The following TRPC7 variants were observed in gnomAD, a reference collection of about 807,000 sequenced individuals.
TRPC7 encodes the protein short transient receptor potential channel 7.
In TRPC7, 42 loss-of-function variants were observed where a neutral mutation model predicts 90.1. The observed-to-expected ratio is 0.47, with a 90% CI of 0.36 to 0.60. The LOEUF is 0.60. Among genes scored for constraint, TRPC7 ranks in the 20% least tolerant of loss-of-function variants. The probability of loss-of-function intolerance (pLI) is 0.00; values close to 1 mark genes in which losing one functional copy is unlikely to be tolerated. For missense variants in TRPC7, 955 were observed against 1,112.3 expected, an observed-to-expected ratio of 0.86 and a Z score of 2.01; for synonymous variants, 451 against 436.3, an observed-to-expected ratio of 1.03 and a Z score of -0.42.
intron 1 of TRPC7, among the ~76,000 whole-genome samples, chr5:136,358,704 T>A (rs898394222): frequency 6.6e-6 from 1 of 152,234 alleles, no homozygotes; most frequent in Non-Finnish European, 1.5e-5. Flanking sequence ...TCCCAGCTTC[T>A]AGATCTCAGA....
intron 10 of TRPC7, among the ~76,000 whole-genome samples, chr5:136,219,643 G>A (rs952825130): frequency 4.6e-5 from 7 of 152,190 alleles, no homozygotes; most frequent in Non-Finnish European, 1.0e-4. Flanking sequence ...ATGTACACCT[G>A]TAGTCCCAGC....
intron 3 of TRPC7, among the ~76,000 whole-genome samples, chr5:136,287,951 G>A (rs567926187): frequency 2.0e-4 from 30 of 152,230 alleles, no homozygotes; most frequent in African/African-American, 7.0e-4. Flanking sequence ...ATCTGGGCAG[G>A]AGACACTGAG....
intron 3 of TRPC7, among the ~76,000 whole-genome samples, chr5:136,282,730 CATGTGTGTAACCCAG>C (rs1316498884): frequency 6.6e-6 from 1 of 152,152 alleles, no homozygotes; most frequent in African/African-American, 2.4e-5. Context: ...TTAGAAATAA[CATGTGTGTAACCCAG>C]ATGTTCCAGG....
intron 3 of TRPC7, among the ~76,000 whole-genome samples, chr5:136,305,125 C>T (rs931811820): frequency 6.6e-6 from 1 of 152,178 alleles, no homozygotes; most frequent in Non-Finnish European, 1.5e-5. Context: ...TTTGTTAAGT[C>T]CCACAATTAC....
chr5:136,282,581 C>A (rs1012318330), intron 3 of TRPC7, among the ~76,000 whole-genome samples: 4 of 152,014 alleles, frequency 2.6e-5, no homozygotes, highest in African/African-American at 9.7e-5. Flanking sequence ...GTTTTATACT[C>A]AAAATATGCT....
At chr5:136,232,404 T>C (rs543089293) in intron 7 of TRPC7, among the ~76,000 whole-genome samples, 3 of 152,334 alleles carry the variant, frequency 2.0e-5, no homozygotes, top group Admixed American at 1.3e-4. Flanking sequence ...GGCTCTCATA[T>C]GACCTCCTGT....
intron 3 of TRPC7, among the ~76,000 whole-genome samples, chr5:136,311,200 G>C (rs533334949): frequency 1.3e-5 from 2 of 152,214 alleles, no homozygotes; most frequent in Non-Finnish European, 2.9e-5. Flanking sequence ...GATCCCACCT[G>C]ATCCTCATTA....
At chr5:136,315,236 A>G (rs1258835454) in intron 3 of TRPC7, among the ~76,000 whole-genome samples, 1 of 152,148 alleles carries the variant, frequency 6.6e-6, no homozygotes, top group Non-Finnish European at 1.5e-5. Flanking sequence ...TCTGAGTTTT[A>G]TGTTTCTCGA....
At chr5:136,279,256 C>T (rs1170019487) in intron 3 of TRPC7, among the ~76,000 whole-genome samples, 1 of 152,178 alleles carries the variant, frequency 6.6e-6, no homozygotes, top group Non-Finnish European at 1.5e-5. Context: ...TTGGGTTGCT[C>T]TGAGAACTGT....
intron 10 of TRPC7, among the ~76,000 whole-genome samples, 154 bp from the exon 11 acceptor site, chr5:136,216,429 C>T (rs1308042041): frequency 3.3e-5 from 5 of 152,212 alleles, no homozygotes; most frequent in Non-Finnish European, 2.9e-5. Context: ...GTGCCCTGCA[C>T]AGTGCGGGTA....
chr5:136,234,310 C>CTTT (rs111485168), intron 7 of TRPC7, among the ~76,000 whole-genome samples: 2 of 145,772 alleles, frequency 1.4e-5, no homozygotes, highest in South Asian at 2.2e-4. Flanking sequence ...CATTTCTTTT[C>CTTT]TTTTTTTTTT....
intron 3 of TRPC7, among the ~76,000 whole-genome samples, chr5:136,282,034 C>A (rs1457954032): frequency 6.6e-6 from 1 of 152,132 alleles, no homozygotes; most frequent in African/African-American, 2.4e-5. Flanking sequence ...TACTCTAGTT[C>A]AGAAACTTTA....
rs77102145 is a variant in TRPC7, at chr5:136,234,092, T to C, written c.1845-2543A>G. 2.4e-3 allele frequency among the ~76,000 whole-genome samples: 360 copies of C among 152,340 alleles called. 14 individuals carry two copies. In the East Asian group the frequency reaches 0.067, roughly 28 times the overall value. ...ATGCTGATATGTTCAATTTGTTGTCTGTCTTCCAGACAATCTTCAGTACTG... is the reference window on the plus strand; with the variant it reads ...ATGCTGATATGTTCAATTTGTTGTCCGTCTTCCAGACAATCTTCAGTACTG... On this transcript the variant is annotated intron_variant, in intron 7 of 11. Coordinates refer to ENST00000513104, the MANE Select transcript of TRPC7 (RefSeq NM_020389.3).
chr5:136,316,980 T>TTTA (rs1381511772), intron 2 of TRPC7, among the ~76,000 whole-genome samples: 1 of 152,212 alleles, frequency 6.6e-6, no homozygotes, highest in Admixed American at 6.5e-5. Flanking sequence ...TTTTTCTGAG[T>TTTA]TAATGATTCT....
intron 10 of TRPC7, among the ~76,000 whole-genome samples, chr5:136,218,159 AAT>A (rs200610770): frequency 0.016 from 2,298 of 146,460 alleles, 46 homozygotes; most frequent in Non-Finnish European, 0.024. Flanking sequence ...ATATATATAA[AAT>A]ATATAATATA....
chr5:136,275,437 C>T (rs1413591505), intron 3 of TRPC7, among the ~76,000 whole-genome samples: 2 of 151,814 alleles, frequency 1.3e-5, no homozygotes, highest in Admixed American at 6.6e-5. Flanking sequence ...AAAATGCTTA[C>T]AGTGTTTCCA....
At chr5:136,249,646 G>T (rs1756456803) in intron 6 of TRPC7, among the ~76,000 whole-genome samples, 1 of 152,190 alleles carries the variant, frequency 6.6e-6, no homozygotes, top group African/African-American at 2.4e-5. Context: ...CTGGTGACTA[G>T]GTCAGGACTT....
chr5:136,215,137 G>A (rs532990530), intron 11 of TRPC7, among the ~76,000 whole-genome samples: 2 of 152,260 alleles, frequency 1.3e-5, no homozygotes, highest in African/African-American at 2.4e-5. Flanking sequence ...TGAGAAACAC[G>A]GCTGTCAGTT....
At chr5:136,364,397 G>T (rs1460444147) in intron 1 of TRPC7, among the ~76,000 whole-genome samples, 1 of 152,098 alleles carries the variant, frequency 6.6e-6, no homozygotes. Context: ...TTGGAGATTG[G>T]GTTTGCATCA....
Sources: allele counts gnomAD v4.1 joint callset (sites outside exome capture counted in the v4.1 genomes callset), GRCh38; gene constraint gnomAD v4.1.1; transcripts MANE v1.5; gene names NCBI Gene and HGNC (gene_info 2026-07-23, HGNC 2026-07-21).